MYO18B: variants seen among roughly 807,000 people sequenced by gnomAD.
The protein encoded by MYO18B is unconventional myosin-XVIIIb.
MYO18B carries 204 observed loss-of-function variants against 273.0 expected under a neutral mutation model. The observed-to-expected ratio is 0.75, with a 90% confidence interval of 0.67 to 0.84. The LOEUF is 0.84. Ranked by LOEUF, MYO18B falls within the 40% of genes least tolerant of loss-of-function variation. The pLI is 0.00. For missense variants in MYO18B, 3,212 were observed against 3,287.6 expected, an observed-to-expected ratio of 0.98 and a Z score of 0.56; for synonymous variants, 1,330 against 1,305.7, an observed-to-expected ratio of 1.02 and a Z score of -0.40.
intron 1 of MYO18B, among the ~76,000 whole-genome samples, chr22:25,758,745 T>G (rs961176913): frequency 6.6e-6 from 1 of 151,874 alleles, no homozygotes; most frequent in Non-Finnish European, 1.5e-5. Flanking sequence ...AAGAGTTTTT[T>G]TGGGGGTGAT....
chr22:26,043,948 T>C, the MYO18B span, among the ~76,000 whole-genome samples: 84 of 152,360 alleles, frequency 5.5e-4, no homozygotes, highest in Non-Finnish European at 9.6e-4. Context: ...TTTCTATTCC[T>C]GCCAGCTGTG....
At chr22:25,908,695 CAT>C (rs1182499909) in intron 32 of MYO18B, among the ~76,000 whole-genome samples, 1 of 152,222 alleles carries the variant, frequency 6.6e-6, no homozygotes, top group Non-Finnish European at 1.5e-5. Context: ...CCCGTAATGC[CAT>C]GTGACTGATG....
Position 25,895,294 on chromosome 22 carries a change from A to G in MYO18B, c.4668+14A>G. On this transcript the variant is annotated intron_variant, in intron 28 of 43. Transcript: ENST00000335473. ...CTGGAGCAAAAGGTAAGATGTGGGG[A>G]TAGTCTGGGCCACAGAAGTGTTAGA... 1 of 1,586,466 alleles carries G rather than the reference A, an allele frequency of 6.3e-7. No individual in the cohort carries two copies. Among genetic ancestry groups the G allele is most frequent in the African/African-American group, 1.3e-5 (1 of 74,534 alleles).
chr22:25,913,087 T>C (rs1224149092), intron 33 of MYO18B, among the ~76,000 whole-genome samples: 2 of 152,006 alleles, frequency 1.3e-5, no homozygotes, highest in African/African-American at 4.8e-5. Context: ...CACGGGCGAG[T>C]GTCTCTCCAG....
chr22:25,874,756 C>T (rs538479358), intron 23 of MYO18B, among the ~76,000 whole-genome samples: 1 of 152,244 alleles, frequency 6.6e-6, no homozygotes, highest in East Asian at 1.9e-4. Context: ...GACCAAAGGC[C>T]AAGTCAAGCT....
intron 11 of MYO18B, among the ~76,000 whole-genome samples, chr22:25,787,177 T>C (rs1221060844): frequency 6.6e-6 from 1 of 150,912 alleles, no homozygotes; most frequent in Non-Finnish European, 1.5e-5. Flanking sequence ...ATTGTGCCAC[T>C]GCACTCCAGC....
chr22:25,819,372 G>A (rs2089178410), intron 12 of MYO18B, among the ~76,000 whole-genome samples: 1 of 152,204 alleles, frequency 6.6e-6, no homozygotes, highest in African/African-American at 2.4e-5. Context: ...CAAGTGTTTA[G>A]AGAGCAGGCA....
Position 26,027,825 on chromosome 22 carries a change from TG to T in MYO18B, c.*12+136del, listed in dbSNP as rs1936377916. On this transcript the variant is annotated intron_variant, in intron 43 of 43. Transcript: ENST00000335473. This position sits in a 1 kb window ranked among gnomAD's most constrained non-coding sequence, Gnocchi z 4.1. ...GACCAAGATTTTTAGAGGTTTTAGCTGAAGTCATGTGTTGATGGATGCAAAG... is the reference window on the plus strand; with the variant it reads ...GACCAAGATTTTTAGAGGTTTTAGCTAAGTCATGTGTTGATGGATGCAAAG... 1 of 945,196 alleles carries T rather than the reference TG, an allele frequency of 1.1e-6. No individual in the cohort carries two copies. Among genetic ancestry groups the T allele is most frequent in the Non-Finnish European group, 1.5e-6 (1 of 651,508 alleles). 58.6% of individuals were successfully genotyped at this position (945,196 alleles called of 1,614,324 possible). A position where few individuals can be genotyped will look rare whatever the true frequency, so the allele number is the denominator to read the frequency against.
intron 21 of MYO18B, 115 bp from the exon 22 acceptor site, chr22:25,868,202 ACAG>A: frequency 1.2e-6 from 1 of 828,192 alleles, no homozygotes; most frequent in Non-Finnish European, 1.9e-6. Flanking sequence ...GCCAAAGCTC[ACAG>A]ACATGTGGGG....
In MYO18B at chr22:25,768,509, C is replaced by T; in HGVS notation, c.593C>T (p.Thr198Ile). ...GKEKKGETSR[T>I]PCGSQASTEI... Reference sequence around the variant, plus strand: ...GAAAAGAAAGGGGAGACCTCTAGGACTCCTTGTGGCTCCCAGGCCAGCACC... The same window carrying T: ...GAAAAGAAAGGGGAGACCTCTAGGATTCCTTGTGGCTCCCAGGCCAGCACC... The change falls in exon 4 of 44, where the codon ACT (threonine) becomes ATT (isoleucine). Residue 198 changes from threonine to isoleucine, a missense_variant. Physicochemically the swap from Thr to Ile is moderately conservative, Grantham distance 89. Coordinates refer to ENST00000335473, the MANE Select transcript of MYO18B (RefSeq NM_032608.7). 1 of 1,586,072 alleles carries T rather than the reference C, an allele frequency of 6.3e-7. No homozygotes were observed. The highest frequency in any genetic ancestry group is 8.6e-7 in the Non-Finnish European group (1 of 1,166,930).
In MYO18B at chr22:25,819,971, C is replaced by T. The variant is rs533024257; in HGVS notation, c.2522-3534C>T. On this transcript the variant is annotated intron_variant, in intron 12 of 43. Transcript: ENST00000335473. ...CCATGTGTCACTCCTGGAACAATAACCCAGGCTTTTCAACTGTAAAAGTCA... is the reference window on the plus strand; with the variant it reads ...CCATGTGTCACTCCTGGAACAATAATCCAGGCTTTTCAACTGTAAAAGTCA... Among the ~76,000 whole-genome samples the T allele has an allele frequency of 1.0e-4, 15 of 148,516 alleles. No individual in the cohort carries two copies. In the East Asian group the frequency reaches 2.8e-3, roughly 28 times the overall value.
chr22:26,034,562 C>T (rs1207622107), downstream of MYO18B, among the ~76,000 whole-genome samples: 1 of 152,058 alleles, frequency 6.6e-6, no homozygotes, highest in African/African-American at 2.4e-5. Flanking sequence ...TCCCTGATGC[C>T]TCTGTGGCTC....
chr22:25,972,978 GAGAT>G (rs2093051743), intron 39 of MYO18B, among the ~76,000 whole-genome samples: 1 of 143,336 alleles, frequency 7.0e-6, no homozygotes, highest in Non-Finnish European at 1.5e-5. Flanking sequence ...AAAAAAAAAA[GAGAT>G]AGGATCTCCT....
chr22:26,013,132 T>C (rs1204008074), intron 42 of MYO18B, among the ~76,000 whole-genome samples: 1 of 152,090 alleles, frequency 6.6e-6, no homozygotes, highest in East Asian at 1.9e-4. Context: ...ATCTACACTG[T>C]TGCATGTAGC....
intron 10 of MYO18B, among the ~76,000 whole-genome samples, chr22:25,783,907 T>C (rs2087266561): frequency 6.6e-6 from 1 of 152,206 alleles, no homozygotes. Flanking sequence ...CCCCAATTAC[T>C]TCCCTTTCTC....
intron 34 of MYO18B, among the ~76,000 whole-genome samples, chr22:25,924,820 T>C (rs756914852): frequency 2.0e-5 from 3 of 152,084 alleles, no homozygotes; most frequent in Non-Finnish European, 4.4e-5. Flanking sequence ...CCAGAGGAAA[T>C]GGTCACCTGG....
At chr22:25,921,532 C>A in intron 34 of MYO18B, 123 bp downstream of exon 34, 1 of 1,245,256 alleles carries the variant, frequency 8.0e-7, no homozygotes, top group Non-Finnish European at 1.1e-6. Flanking sequence ...CACAGATGTG[C>A]AGGGAGATGG....
intron 1 of MYO18B, among the ~76,000 whole-genome samples, chr22:25,748,330 G>A (rs181739230): frequency 4.3e-4 from 65 of 152,278 alleles, no homozygotes; most frequent in Non-Finnish European, 6.8e-4. Context: ...GTCGCTGTAG[G>A]ACCTCGAGAA....
chr22:25,825,987 C>T (rs183845953), intron 13 of MYO18B, among the ~76,000 whole-genome samples: 11 of 152,272 alleles, frequency 7.2e-5, no homozygotes, highest in East Asian at 3.9e-4. Flanking sequence ...CCAGGGACAG[C>T]GCCTATCTTC....
Sources: allele counts gnomAD v4.1 joint callset (sites outside exome capture counted in the v4.1 genomes callset), GRCh38; gene constraint gnomAD v4.1.1; non-coding constraint Gnocchi (gnomAD v3.1); transcripts MANE v1.5; gene names NCBI Gene and HGNC (gene_info 2026-07-23, HGNC 2026-07-21).